The following GOLIM4 variants were observed in gnomAD, a reference collection of about 807,000 sequenced individuals.
GOLIM4 encodes the protein golgi integral membrane protein 4.
GOLIM4 carries 71 observed loss-of-function variants against 107.4 expected under a neutral mutation model. The observed-to-expected ratio is 0.66, with a 90% CI of 0.55 to 0.81. The LOEUF (loss-of-function observed/expected upper bound fraction) is 0.81. Among genes scored for constraint, GOLIM4 ranks in the 30% least tolerant of loss-of-function variants. The pLI is 0.00. For synonymous variants in GOLIM4, 327 were observed against 294.8 expected, an observed-to-expected ratio of 1.11 and a Z score of -1.12; for missense variants, 830 against 826.1, an observed-to-expected ratio of 1.00 and a Z score of -0.06.
intron 2 of GOLIM4, among the ~76,000 whole-genome samples, chr3:168,047,601 C>T (rs1719385081): frequency 6.6e-6 from 1 of 152,170 alleles, no homozygotes. Flanking sequence ...TTCCTTCCTA[C>T]CAAGGTAGGC....
In GOLIM4 at chr3:168,032,772, G is replaced by A. The variant is rs566356227; in HGVS notation, c.924C>T (p.Thr308=). ...GAGCCTGAAATTCTGCCTCCTTATG[G>A]GTGGGAGCATAGAGTTTTGTGTCTT... ...RAEDTKLYAP[T]HKEAEFQAPP... The change falls in exon 9 of 16, where the codon ACC becomes ACT. Residue 308 remains threonine, a synonymous_variant. Coordinates refer to ENST00000470487, the MANE Select transcript of GOLIM4 (RefSeq NM_014498.5). 7.7e-5 allele frequency: 125 copies of A among 1,613,846 alleles called. No individual in the cohort carries two copies. In the South Asian group the frequency reaches 1.4e-3, roughly 17 times the overall value.
intron 9 of GOLIM4, among the ~76,000 whole-genome samples, chr3:168,031,125 C>A (rs1718311303): frequency 6.6e-6 from 1 of 152,066 alleles, no homozygotes; most frequent in Admixed American, 6.5e-5. Flanking sequence ...TATTCTCATT[C>A]ATGTAGGAGC....
intron 1 of GOLIM4, among the ~76,000 whole-genome samples, chr3:168,057,574 A>G: frequency 6.6e-6 from 1 of 152,162 alleles, no homozygotes; most frequent in Admixed American, 6.5e-5. Flanking sequence ...CGAGAACAGC[A>G]TGGGGAAACC....
intron 14 of GOLIM4, among the ~76,000 whole-genome samples, chr3:168,020,084 C>T (rs1448743569): frequency 1.3e-5 from 2 of 152,128 alleles, no homozygotes; most frequent in Non-Finnish European, 2.9e-5. Context: ...TAAAATCAGA[C>T]CTAGGTGAGC....
intron 1 of GOLIM4, among the ~76,000 whole-genome samples, chr3:168,068,737 A>T (rs1381424097): frequency 6.6e-6 from 1 of 152,048 alleles, no homozygotes; most frequent in Non-Finnish European, 1.5e-5. Context: ...GTAAATAAAG[A>T]ATAAACACTA....
chr3:168,030,203 T>G (rs149792229), intron 9 of GOLIM4, among the ~76,000 whole-genome samples, 167 bp from the exon 10 acceptor site: 27 of 152,272 alleles, frequency 1.8e-4, no homozygotes, highest in Non-Finnish European at 2.9e-4. Flanking sequence ...TTTCCCAACT[T>G]TCTCTGAATC....
In GOLIM4 at chr3:168,029,964, C is replaced by T. The variant is rs1490698044; in HGVS notation, c.1249G>A (p.Ala417Thr). The change falls in exon 10 of 16, where the codon GCA becomes ACA. Residue 417 changes from alanine (A) to threonine (T), a missense_variant. Transcript: ENST00000470487. Reference protein sequence around the residue: ...YEEQLEQQRLAVQQVEEAQQL... With the variant: ...YEEQLEQQRLTVQQVEEAQQL... ...TGGGCCTCCTCCACCTGCTGCACTG[C>T]CAGTCTCTGCTGTTCCAACTGTTCC... is the stretch of plus-strand genomic sequence containing the variant. The T allele has an allele frequency of 3.1e-6, 5 of 1,614,052 alleles. No homozygotes were observed. In the African/African-American group the frequency reaches 6.7e-5, roughly 22 times the overall value.
chr3:168,042,731 T>C (rs1384444778), intron 5 of GOLIM4, among the ~76,000 whole-genome samples: 1 of 152,222 alleles, frequency 6.6e-6, no homozygotes, highest in East Asian at 1.9e-4. Flanking sequence ...CTGACACAGA[T>C]GTTGATGGGT....
chr3:168,049,634 T>C (rs913359380), intron 1 of GOLIM4, among the ~76,000 whole-genome samples: 9 of 152,190 alleles, frequency 5.9e-5, no homozygotes, highest in Middle Eastern at 3.2e-3. Context: ...TGGTTGACCA[T>C]ATACAATTCA....
chr3:168,069,968 C>G (rs1720753094), intron 1 of GOLIM4, among the ~76,000 whole-genome samples: 1 of 152,004 alleles, frequency 6.6e-6, no homozygotes, highest in South Asian at 2.1e-4. Context: ...AAGGTAAATA[C>G]TCTAACTTGT....
At chr3:168,063,394 A>G (rs947275843) in intron 1 of GOLIM4, among the ~76,000 whole-genome samples, 1 of 152,078 alleles carries the variant, frequency 6.6e-6, no homozygotes, top group Admixed American at 6.6e-5. Flanking sequence ...TTAAGATTTT[A>G]TTTTTTTAAT....
At chr3:168,062,808 C>T (rs960282583) in intron 1 of GOLIM4, among the ~76,000 whole-genome samples, 8 of 152,078 alleles carry the variant, frequency 5.3e-5, no homozygotes, top group African/African-American at 1.7e-4. Context: ...AATCAAAATG[C>T]CTGAGAGATT....
At chr3:168,042,962 G>A (rs1400517503) in intron 5 of GOLIM4, among the ~76,000 whole-genome samples, 4 of 152,150 alleles carry the variant, frequency 2.6e-5, no homozygotes, top group Non-Finnish European at 4.4e-5. Flanking sequence ...TACTACTGGC[G>A]ATCAACAGCA....
At chr3:168,041,293 G>T in intron 6 of GOLIM4, 99 bp downstream of exon 6, 2 of 710,934 alleles carry the variant, frequency 2.8e-6, no homozygotes, top group African/African-American at 3.5e-5. Flanking sequence ...TAACAACGTG[G>T]ATTTGTAAAG....
intron 7 of GOLIM4, among the ~76,000 whole-genome samples, chr3:168,038,343 A>G (rs1718776696): frequency 6.6e-6 from 1 of 152,242 alleles, no homozygotes; most frequent in Admixed American, 6.5e-5. Context: ...CTTTGAAGGC[A>G]GTAATTGTGT....
At chr3:168,074,334 T>C (rs1196552523) in intron 1 of GOLIM4, among the ~76,000 whole-genome samples, 3 of 152,214 alleles carry the variant, frequency 2.0e-5, no homozygotes, top group Admixed American at 1.3e-4. Flanking sequence ...GAGTTATTTG[T>C]TACATGACAA....
chr3:168,043,285 C>T (rs768453143), intron 5 of GOLIM4, 94 bp downstream of exon 5: 16 of 796,532 alleles, frequency 2.0e-5, no homozygotes, highest in East Asian at 8.0e-5. Flanking sequence ...AAATGTAAAT[C>T]GATCACCACT....
chr3:168,022,174 A>T (rs1717732789), intron 14 of GOLIM4, among the ~76,000 whole-genome samples: 1 of 152,110 alleles, frequency 6.6e-6, no homozygotes, highest in African/African-American at 2.4e-5. Flanking sequence ...TATACCTCTG[A>T]ACAGGTGTGG....
At position 168,032,687 on chromosome 3, in the gene GOLIM4, C is replaced by T; in HGVS notation, c.1009G>A (p.Glu337Lys). Residue 337 changes from glutamate (E) to lysine (K), a missense_variant, in exon 9 of 16, where the codon GAG (glutamate) becomes AAG (lysine). Physicochemically the swap from Glu to Lys is moderately conservative, Grantham distance 56. Coordinates refer to ENST00000470487, the MANE Select transcript of GOLIM4 (RefSeq NM_014498.5). The stretch of plus-strand genomic sequence containing the variant: ...TCCTCCAGGGCCTTTCTGTGCTCCT[C>T]TTCCACCTGATGCTCCTCAGGTTCT... ...RREPEEHQVE[E>K]EHRKALEEEE... The T allele has an allele frequency of 6.2e-7, 1 of 1,614,106 alleles. No homozygotes were observed. Among genetic ancestry groups the T allele is most frequent in the Non-Finnish European group, 8.5e-7 (1 of 1,180,024 alleles).
Sources: allele counts gnomAD v4.1 joint callset (sites outside exome capture counted in the v4.1 genomes callset), GRCh38; gene constraint gnomAD v4.1.1; transcripts MANE v1.5; gene names NCBI Gene and HGNC (gene_info 2026-07-23, HGNC 2026-07-21).